SIK3: variants seen among roughly 807,000 people sequenced by gnomAD.
SIK3 encodes the protein SIK family kinase 3.
Under a neutral mutation model 144.2 loss-of-function variants are expected in SIK3, and 28 were observed. That is an observed-to-expected ratio of 0.19 (90% CI 0.14 to 0.27). The LOEUF is 0.27. Among genes scored for constraint, SIK3 ranks in the 10% least tolerant of loss-of-function variants. The pLI, the probability that SIK3 is intolerant of heterozygous loss-of-function variation, is 1.00. For synonymous variants in SIK3, 686 were observed against 676.3 expected (o/e 1.01, Z -0.22); for missense variants, 1,319 against 1,776.0 (o/e 0.74, Z 4.62).
intron 4 of SIK3, among the ~76,000 whole-genome samples, chr11:116,917,174 G>A (rs1302504856): frequency 6.6e-6 from 1 of 151,980 alleles, no homozygotes; most frequent in Non-Finnish European, 1.5e-5. Flanking sequence ...GAGTGAAGGA[G>A]CACTCTGGGT....
At chr11:116,951,898 C>T (rs940576203) in intron 3 of SIK3, among the ~76,000 whole-genome samples, 1 of 151,452 alleles carries the variant, frequency 6.6e-6, no homozygotes, top group Admixed American at 6.6e-5. Context: ...CCCGTTACTG[C>T]ACTTCACCTG....
At chr11:116,949,482 G>A (rs565090027) in intron 3 of SIK3, among the ~76,000 whole-genome samples, 24 of 152,348 alleles carry the variant, frequency 1.6e-4, no homozygotes, top group African/African-American at 5.5e-4. Flanking sequence ...TTCCTTTGAA[G>A]AAATAATTTT....
rs529339954 is a variant in SIK3, at chr11:116,853,229, C to G, written c.3656-3946G>C. The stretch of plus-strand genomic sequence containing the variant: ...TTTGGTAAGAATGCTGACCCTGAGT[C>G]TAGAAGTCCTTTGTGACACTCTATA... On this transcript the variant is annotated intron_variant, in intron 21 of 24. Transcript: ENST00000445177. Among the ~76,000 whole-genome samples, 6 of 152,316 alleles carry G rather than the reference C, an allele frequency of 3.9e-5. No homozygotes were observed. In the South Asian group the frequency reaches 1.2e-3, roughly 32 times the overall value.
At chr11:116,875,495 GA>G (rs746159035) in intron 9 of SIK3, 44 bp from the exon 10 acceptor site, 1 of 1,576,620 alleles carries the variant, frequency 6.3e-7, no homozygotes, top group East Asian at 2.2e-5. Context: ...TTTAACACTA[GA>G]GAGAAATAAT....
intron 1 of SIK3, among the ~76,000 whole-genome samples, chr11:116,997,399 A>T (rs547540219): frequency 6.6e-6 from 1 of 152,356 alleles, no homozygotes; most frequent in Admixed American, 6.5e-5. Flanking sequence ...TTCATTCAAC[A>T]AATATGCAAG....
intron 1 of SIK3, among the ~76,000 whole-genome samples, chr11:117,078,061 T>C (rs1479486850): frequency 6.6e-6 from 1 of 152,234 alleles, no homozygotes; most frequent in Non-Finnish European, 1.5e-5. Flanking sequence ...ACAATTTCAA[T>C]TGCAAAGAAA....
At chr11:116,914,807 C>T (rs1010020629) in intron 4 of SIK3, among the ~76,000 whole-genome samples, 5 of 152,128 alleles carry the variant, frequency 3.3e-5, no homozygotes, top group Admixed American at 6.5e-5. Flanking sequence ...GAAATCAGTA[C>T]AGTTACCTTT....
chr11:116,946,639 G>A (rs930383696), intron 3 of SIK3, among the ~76,000 whole-genome samples: 1 of 152,210 alleles, frequency 6.6e-6, no homozygotes, highest in Non-Finnish European at 1.5e-5. Context: ...AAGGCAGTCA[G>A]TGCCTTACTC....
intron 1 of SIK3, among the ~76,000 whole-genome samples, chr11:117,031,952 T>C (rs2135802211): frequency 6.6e-6 from 1 of 152,314 alleles, no homozygotes; most frequent in East Asian, 1.9e-4. Context: ...ATGTAAGTTA[T>C]ATCTCAATTT....
intron 4 of SIK3, among the ~76,000 whole-genome samples, chr11:116,920,726 C>T (rs2135063677): frequency 6.6e-6 from 1 of 152,262 alleles, no homozygotes; most frequent in East Asian, 1.9e-4. Flanking sequence ...TGTCCTTTAT[C>T]AGTACCGCCT....
chr11:116,988,077 A>T (rs1219415824), intron 1 of SIK3, among the ~76,000 whole-genome samples: 1 of 152,190 alleles, frequency 6.6e-6, no homozygotes, highest in Non-Finnish European at 1.5e-5. Context: ...AAGAGGGAGC[A>T]AGCAAAGCCT....
chr11:116,936,258 C>A (rs1428010010), intron 3 of SIK3, among the ~76,000 whole-genome samples: 1 of 152,182 alleles, frequency 6.6e-6, no homozygotes, highest in Non-Finnish European at 1.5e-5. Context: ...CGGCTCATCA[C>A]AACCTCTGCC....
At chr11:116,962,307 C>T (rs567116097) in intron 1 of SIK3, among the ~76,000 whole-genome samples, 1 of 152,280 alleles carries the variant, frequency 6.6e-6, no homozygotes, top group Admixed American at 6.5e-5. Context: ...GCAAAGATCA[C>T]AAGGGCTCAA....
At chr11:117,095,382 A>G (rs115181186) in intron 1 of SIK3, among the ~76,000 whole-genome samples, 221 of 152,256 alleles carry the variant, frequency 1.5e-3, no homozygotes, top group African/African-American at 5.0e-3. Context: ...CACCTCTAAA[A>G]GACAAAACAA....
intron 1 of SIK3, among the ~76,000 whole-genome samples, chr11:117,019,263 A>C (rs1591547467): frequency 6.6e-6 from 1 of 151,120 alleles, no homozygotes. Context: ...CAGGCAATCC[A>C]CCCACCTCAG....
In SIK3 at chr11:116,849,194, G is replaced by A. The variant is rs1942230481; in HGVS notation, c.3745C>T (p.Pro1249Ser). The change falls in exon 22 of 25, where the codon CCC becomes TCC. Residue 1249 changes from proline to serine, a missense_variant. By Grantham distance (74) the Pro-to-Ser change is moderately conservative. Coordinates refer to ENST00000445177, the MANE Select transcript of SIK3 (RefSeq NM_001366686.3). The surrounding 1 kb of genome is among the most constrained non-coding windows in gnomAD (Gnocchi z 4.2). ...DHNGLGYPAR[P>S]SVHEHHRPRA... The stretch of plus-strand genomic sequence containing the variant: ...GGCCTGTGGTGCTCATGGACGGAGG[G>A]GCGTGCTGGGTACCCGAGCCCATTG... 1 of 1,614,006 alleles carries A rather than the reference G, an allele frequency of 6.2e-7. No homozygotes were observed. Among genetic ancestry groups the A allele is most frequent in the Non-Finnish European group, 8.5e-7 (1 of 1,179,986 alleles).
intron 3 of SIK3, among the ~76,000 whole-genome samples, chr11:116,947,228 T>TAAA (rs1948686506): frequency 1.2e-4 from 1 of 8,178 alleles, no homozygotes; most frequent in Non-Finnish European, 2.7e-4. Flanking sequence ...TATATAATTA[T>TAAA]TTATATATTT....
chr11:116,861,220 A>AT, intron 19 of SIK3, 54 bp downstream of exon 19: 5 of 1,342,048 alleles, frequency 3.7e-6, no homozygotes, highest in Non-Finnish European at 5.3e-6. Flanking sequence ...TGAGACCATC[A>AT]TTTTTTCCCA....
At chr11:116,981,256 G>C (rs931578461) in intron 1 of SIK3, among the ~76,000 whole-genome samples, 4 of 152,194 alleles carry the variant, frequency 2.6e-5, no homozygotes, top group Non-Finnish European at 4.4e-5. Context: ...CCACTTGCAG[G>C]ATCGCTTACT....
Sources: allele counts gnomAD v4.1 joint callset (sites outside exome capture counted in the v4.1 genomes callset), GRCh38; gene constraint gnomAD v4.1.1; non-coding constraint Gnocchi (gnomAD v3.1); transcripts MANE v1.5; gene names NCBI Gene and HGNC (gene_info 2026-07-23, HGNC 2026-07-21).